Variants in SCN4A observed in about 807,000 individuals in gnomAD.
The protein encoded by SCN4A is sodium voltage-gated channel alpha subunit 4, also known as sodium channel protein type 4 subunit alpha.
In SCN4A, 83 loss-of-function variants were observed where a neutral mutation model predicts 162.0. The observed-to-expected ratio is 0.51, with a 90% CI of 0.43 to 0.61. The LOEUF is 0.61. SCN4A is among the 20% of genes least tolerant of loss of function. The pLI is 0.00. For missense variants in SCN4A, 2,196 were observed against 2,462.5 expected, an observed-to-expected ratio of 0.89 and a Z score of 2.29; for synonymous variants, 944 against 985.1, an observed-to-expected ratio of 0.96 and a Z score of 0.78.
chr17:63,970,517 G>T lies in SCN4A; in HGVS notation c.703+645C>A, dbSNP rs145608832. ...CTTGTTCTTTTTCCCAGGCTGGAGT[G>T]CAGTGGCAAAATTACAGCTCATAGC... On this transcript the variant is annotated intron_variant, in intron 5 of 23. Coordinates refer to ENST00000435607, the MANE Select transcript of SCN4A (RefSeq NM_000334.4). Among the ~76,000 whole-genome samples the T allele has an allele frequency of 2.2e-3, 342 of 152,270 alleles. 2 individuals carry two copies. The highest frequency in any genetic ancestry group is 7.6e-3 in the African/African-American group (314 of 41,530).
intron 12 of SCN4A, among the ~76,000 whole-genome samples, chr17:63,958,002 TAA>T (rs60393540): frequency 1.5e-3 from 83 of 55,150 alleles, no homozygotes; most frequent in Admixed American, 2.2e-3. Context: ...AAAACTCCAC[TAA>T]AAAAAAAAAA....
In SCN4A at chr17:63,957,512, C is replaced by A; in HGVS notation, c.2026G>T (p.Val676Phe). 1 of 1,609,194 alleles carries A rather than the reference C, an allele frequency of 6.2e-7. No homozygotes were observed. Among genetic ancestry groups the A allele is most frequent in the South Asian group, 1.1e-5 (1 of 90,886 alleles). ...SVLRSFRLLR[V>F]FKLAKSWPTL... is the part of the protein sequence containing the mutation. The stretch of plus-strand genomic sequence containing the variant: ...GGCCACGACTTGGCCAGCTTGAAGA[C>A]CCGCAGCTGCCAAGCAGGGAGGGCA... Residue 676 changes from valine to phenylalanine, a missense_variant, in exon 13 of 24, where the codon GTC (valine) becomes TTC (phenylalanine). Transcript: ENST00000435607.
At chr17:63,958,316 C>A (rs989913327) in intron 12 of SCN4A, among the ~76,000 whole-genome samples, 1 of 151,836 alleles carries the variant, frequency 6.6e-6, no homozygotes, top group Non-Finnish European at 1.5e-5. Flanking sequence ...GTGATCGTAC[C>A]ACTGCACTCC....
rs1909373306 is a variant in SCN4A, at chr17:63,964,541, T to C, written c.1379A>G (p.Glu460Gly). The C allele has an allele frequency of 6.2e-7, 1 of 1,613,896 alleles. No individual in the cohort carries two copies. Among genetic ancestry groups the C allele is most frequent in the Non-Finnish European group, 8.5e-7 (1 of 1,179,904 alleles). Residue 460 changes from glutamate to glycine, a missense_variant, in exon 9 of 24, where the codon GAG becomes GGG. Glu to Gly is a moderately conservative substitution (Grantham distance 98, BLOSUM62 -2). Transcript: ENST00000435607. ...YAEQNEATLA[E>G]DKEKEEEFQQ... is the part of the protein sequence containing the mutation. The stretch of plus-strand genomic sequence containing the variant: ...AAACTCCTCCTCTTTCTCCTTATCC[T>C]CGGCCAGGGTGGCCTCATTCTGCTC...
chr17:63,966,391 C>G, intron 7 of SCN4A, 90 bp downstream of exon 7: 1 of 1,427,224 alleles, frequency 7.0e-7, no homozygotes, highest in South Asian at 1.2e-5. Context: ...TTTCCCTGCA[C>G]TCCCATGCCC....
In SCN4A at chr17:63,945,704, C is replaced by T. The variant is rs142300908; in HGVS notation, c.3442-66G>A. On this transcript the variant is annotated intron_variant, in intron 18 of 23. Transcript: ENST00000435607. The surrounding 1 kb of genome is among the most constrained non-coding windows in gnomAD (Gnocchi z 4.4). Reference sequence around the variant, plus strand: ...TCTGAGAGAGGGCTCCACATCTCTACGCCACCCAGGGGACCAGGCAGAGCT... The same window carrying T: ...TCTGAGAGAGGGCTCCACATCTCTATGCCACCCAGGGGACCAGGCAGAGCT... The T allele has an allele frequency of 5.5e-4, 856 of 1,555,598 alleles. 7 individuals are homozygous for T. The African/African-American group carries it at 0.01, about 18-fold the overall frequency.
At chr17:63,955,022 T>C (rs1567822200) in intron 13 of SCN4A, among the ~76,000 whole-genome samples, 1 of 152,118 alleles carries the variant, frequency 6.6e-6, no homozygotes, top group Non-Finnish European at 1.5e-5. Flanking sequence ...AATGAATACA[T>C]GTGAAGCACC....
In SCN4A at chr17:63,940,931, T is replaced by C; in HGVS notation, c.5351A>G (p.Asn1784Ser). 6.2e-7 allele frequency: 1 copy of C among 1,613,928 alleles called. No homozygotes were observed. Among genetic ancestry groups the C allele is most frequent in the South Asian group, 1.1e-5 (1 of 91,080 alleles). ...CGGGCTTGGCGAGCTGCTGTTCCCA[T>C]TCTCGTGGCCATACATCTTGCTCAT... is the stretch of plus-strand genomic sequence containing the variant. ...NTMSKMYGHE[N>S]GNSSSPSPEE... The change falls in exon 24 of 24, where the codon AAT becomes AGT. Residue 1784 changes from asparagine to serine, a missense_variant. Coordinates refer to ENST00000435607, the MANE Select transcript of SCN4A (RefSeq NM_000334.4).
intron 13 of SCN4A, 55 bp downstream of exon 13, chr17:63,957,107 A>T: frequency 1.7e-6 from 2 of 1,205,420 alleles, no homozygotes; most frequent in Non-Finnish European, 2.4e-6. Context: ...AATATCAGGT[A>T]CATCTTGTAC....
At position 63,949,394 on chromosome 17, in the gene SCN4A, C is replaced by A; in HGVS notation, c.2988G>T (p.Glu996Asp). Residue 996 changes from glutamate to aspartate, a missense_variant and splice_region_variant, in exon 15 of 24, where the codon GAG becomes GAT. Coordinates refer to ENST00000435607, the MANE Select transcript of SCN4A (RefSeq NM_000334.4). ...EGEQPEECFT[E>D]ACVQRWPCLY... ...AGATGAGGTGAGGGGTGCCCTCACC[C>A]TCAGTGAAGCACTCCTCAGGCTGCT... is the stretch of plus-strand genomic sequence containing the variant. The A allele has an allele frequency of 6.4e-7, 1 of 1,574,284 alleles. No homozygotes were observed. The highest frequency in any genetic ancestry group is 2.3e-5 in the East Asian group (1 of 42,798).
In SCN4A at chr17:63,944,657, C is replaced by A; in HGVS notation, c.3912+16G>T. 6.3e-7 allele frequency: 1 copy of A among 1,590,834 alleles called. No individual in the cohort carries two copies. The highest frequency in any genetic ancestry group is 1.8e-5 in the Admixed American group (1 of 55,800). ...CCCAGCACCGGGAGGGCCCGAGGGG[C>A]TGGGCTGATACTCATCTTCTTCTTC... On this transcript the variant is annotated intron_variant, in intron 21 of 23. Transcript: ENST00000435607. The surrounding 1 kb of genome is among the most constrained non-coding windows in gnomAD (Gnocchi z 4.3).
At position 63,965,793 on chromosome 17, in the gene SCN4A, A is replaced by G. The variant is rs573733486; in HGVS notation, c.1242+309T>C. On this transcript the variant is annotated intron_variant, in intron 8 of 23. Transcript: ENST00000435607. Reference sequence around the variant, plus strand: ...TGAGCCACCGCGCCCGGCAGGCAGCATTGGATTTCTAAGCTGCCCTACTGG... The same window carrying G: ...TGAGCCACCGCGCCCGGCAGGCAGCGTTGGATTTCTAAGCTGCCCTACTGG... 2.6e-5 allele frequency among the ~76,000 whole-genome samples: 4 copies of G among 152,316 alleles called. No individual in the cohort carries two copies. In the East Asian group the frequency reaches 7.7e-4, roughly 29 times the overall value.
intron 5 of SCN4A, among the ~76,000 whole-genome samples, chr17:63,969,656 T>A (rs12952532): frequency 3.6e-4 from 54 of 151,902 alleles, no homozygotes; most frequent in Non-Finnish European, 3.5e-4. Flanking sequence ...CTTTTCTTTT[T>A]TTTTTGAGAT....
chr17:63,964,766 T>A (rs2144805006), intron 8 of SCN4A, 89 bp from the exon 9 acceptor site: 2 of 1,034,814 alleles, frequency 1.9e-6, no homozygotes, highest in Non-Finnish European at 2.9e-6. Context: ...ATTGCCCGCA[T>A]GGGTAAGCAG....
intron 23 of SCN4A, among the ~76,000 whole-genome samples, chr17:63,942,517 T>C (rs1187027721): frequency 6.6e-6 from 1 of 152,244 alleles, no homozygotes; most frequent in Non-Finnish European, 1.5e-5. Flanking sequence ...AGCACACGCA[T>C]GACTGTGCAC....
intron 11 of SCN4A, among the ~76,000 whole-genome samples, chr17:63,960,751 C>A (rs950199964): frequency 6.6e-6 from 1 of 152,070 alleles, no homozygotes; most frequent in South Asian, 2.1e-4. Flanking sequence ...ACCCCTGCAG[C>A]CCACTGGTCC....
chr17:63,943,032 A>G lies in SCN4A; in HGVS notation c.4082T>C (p.Ile1361Thr), dbSNP rs930746692. The G allele has an allele frequency of 6.2e-7, 1 of 1,613,848 alleles. No homozygotes were observed. The highest frequency in any genetic ancestry group is 1.3e-5 in the African/African-American group (1 of 74,912). ...GGTGACCATGTTGAGGCAGATGAGG[A>G]TCATGATGGTGATGTCGAAGGCCTG... ...TKQAFDITIM[I>T]LICLNMVTMM... is the part of the protein sequence containing the mutation. The change falls in exon 23 of 24, where the codon ATC (isoleucine) becomes ACC (threonine). Residue 1361 changes from isoleucine to threonine, a missense_variant. Physicochemically the swap from Ile to Thr is moderately conservative, Grantham distance 89. Coordinates refer to ENST00000435607, the MANE Select transcript of SCN4A (RefSeq NM_000334.4).
At position 63,961,199 on chromosome 17, in the gene SCN4A, G is replaced by C. The variant is rs1225326048; in HGVS notation, c.1839C>G (p.Gly613=). Residue 613 remains glycine, a synonymous_variant, in exon 11 of 24, where the codon GGC becomes GGG. Coordinates refer to ENST00000435607, the MANE Select transcript of SCN4A (RefSeq NM_000334.4). The part of the protein sequence containing the change: ...TEHFDNVLTV[G]NLVFTGIFTA... ...CTCCCCCGCCCCTCCCTACCAGGTT[G>C]CCCACAGTGAGCACGTTGTCAAAGT... 1 of 667,576 alleles carries C rather than the reference G, an allele frequency of 1.5e-6. No homozygotes were observed. 41.4% of individuals were successfully genotyped at this position (667,576 alleles called of 1,614,324 possible).
chr17:63,947,006 C>A, intron 18 of SCN4A, 39 bp downstream of exon 18: 3 of 1,440,148 alleles, frequency 2.1e-6, no homozygotes, highest in East Asian at 2.4e-5. Context: ...GGCCGGTCCC[C>A]CATCCCCAGC....
Sources: gnomAD v4.1 joint callset for allele counts (sites outside exome capture counted in the v4.1 genomes callset) on GRCh38, gnomAD v4.1.1 for gene constraint, Gnocchi (gnomAD v3.1) non-coding constraint, MANE v1.5 for transcripts, NCBI Gene and HGNC (gene_info 2026-07-23, HGNC 2026-07-21) for gene names.